ADAMTS3: variants seen among roughly 807,000 people sequenced by gnomAD.
ADAMTS3 encodes the protein A disintegrin and metalloproteinase with thrombospondin motifs 3.
Under a neutral mutation model 129.0 loss-of-function variants are expected in ADAMTS3, and 73 were observed. That is an observed-to-expected ratio of 0.57 (90% CI 0.47 to 0.69). The LOEUF (loss-of-function observed/expected upper bound fraction) is 0.69. ADAMTS3 is among the 30% of genes least tolerant of loss of function. ADAMTS3 has a pLI of 0.00. For synonymous variants in ADAMTS3, 477 were observed against 510.8 expected, an observed-to-expected ratio of 0.93 and a Z score of 0.89; for missense variants, 1,457 against 1,514.5, an observed-to-expected ratio of 0.96 and a Z score of 0.63.
At chr4:72,357,194 T>A (rs1257835927) in intron 4 of ADAMTS3, among the ~76,000 whole-genome samples, 5 of 151,922 alleles carry the variant, frequency 3.3e-5, no homozygotes, top group Non-Finnish European at 5.9e-5. Flanking sequence ...TGCTCCTTTT[T>A]AAAACCATTT....
At position 72,281,158 on chromosome 4, in the gene ADAMTS3, T is replaced by G. The variant is rs1718330295; in HGVS notation, c.*1978A>C. On this transcript the variant is annotated 3_prime_UTR_variant, in exon 22 of 22. Coordinates refer to ENST00000286657, the MANE Select transcript of ADAMTS3 (RefSeq NM_014243.3). ...TCTTTATCTTCCCCTGTGGATGAGA[T>G]GTATGCACACACAAGTAAACTAGAG... 6.6e-6 allele frequency: 1 copy of G among 152,542 alleles called. No individual in the cohort carries two copies. Among genetic ancestry groups the G allele is most frequent in the Non-Finnish European group, 1.5e-5 (1 of 68,016 alleles). 9.4% of individuals were successfully genotyped at this position (152,542 alleles called of 1,614,324 possible).
intron 10 of ADAMTS3, among the ~76,000 whole-genome samples, chr4:72,316,732 T>C (rs1371292798): frequency 6.6e-6 from 1 of 151,620 alleles, no homozygotes; most frequent in Non-Finnish European, 1.5e-5. Flanking sequence ...ATACTTATAA[T>C]TAATTGACTA....
At chr4:72,295,886 A>G in intron 18 of ADAMTS3, 100 bp from the exon 19 acceptor site, 1 of 1,426,272 alleles carries the variant, frequency 7.0e-7, no homozygotes. Flanking sequence ...CATCCATTCA[A>G]TAAATATGTA....
At chr4:72,506,193 G>A (rs901794574) in intron 3 of ADAMTS3, among the ~76,000 whole-genome samples, 6 of 152,124 alleles carry the variant, frequency 3.9e-5, no homozygotes, top group African/African-American at 1.4e-4. Flanking sequence ...GGAAAAGTGG[G>A]GTGGCTTAGG....
intron 4 of ADAMTS3, among the ~76,000 whole-genome samples, chr4:72,371,044 G>A (rs1720991885): frequency 6.6e-6 from 1 of 152,096 alleles, no homozygotes; most frequent in African/African-American, 2.4e-5. Context: ...GAGAGGCAGA[G>A]ACCAGAGTGA....
At chr4:72,320,669 A>T (rs1719528486) in intron 7 of ADAMTS3, 45 bp downstream of exon 7, 1 of 1,590,258 alleles carries the variant, frequency 6.3e-7, no homozygotes, top group African/African-American at 1.4e-5. Context: ...TTACTTTTTA[A>T]AAGTCATGCC....
chr4:72,310,958 T>C, intron 14 of ADAMTS3, 90 bp downstream of exon 14: 2 of 1,223,468 alleles, frequency 1.6e-6, no homozygotes, highest in Admixed American at 2.5e-5. Context: ...ATTTCAAAGA[T>C]AAAATAGTTT....
intron 3 of ADAMTS3, among the ~76,000 whole-genome samples, chr4:72,529,328 T>A (rs74811843): frequency 2.6e-5 from 4 of 152,010 alleles, no homozygotes; most frequent in Admixed American, 6.6e-5. Context: ...CTGTTAGAAA[T>A]GCAAACTTTC....
intron 3 of ADAMTS3, among the ~76,000 whole-genome samples, chr4:72,512,225 C>T (rs1226901278): frequency 1.3e-5 from 2 of 152,132 alleles, no homozygotes; most frequent in Non-Finnish European, 2.9e-5. Context: ...CTTGTAATCC[C>T]TGCACTTTGG....
chr4:72,461,279 G>T (rs1718763589), intron 3 of ADAMTS3, among the ~76,000 whole-genome samples: 1 of 151,746 alleles, frequency 6.6e-6, no homozygotes, highest in African/African-American at 2.4e-5. Context: ...AGTCAACATA[G>T]AGTAGAAAGA....
chr4:72,384,463 C>A (rs1382713249), intron 4 of ADAMTS3, among the ~76,000 whole-genome samples: 1 of 152,030 alleles, frequency 6.6e-6, no homozygotes, highest in African/African-American at 2.4e-5. Flanking sequence ...ACGAGTTATC[C>A]TTGACTTCTC....
intron 3 of ADAMTS3, among the ~76,000 whole-genome samples, chr4:72,441,211 A>T (rs989301039): frequency 6.6e-5 from 10 of 151,734 alleles, no homozygotes; most frequent in African/African-American, 2.2e-4. Flanking sequence ...AATGCTTTTG[A>T]GATTCACCCA....
At chr4:72,291,383 T>C (rs1222153872) in intron 19 of ADAMTS3, among the ~76,000 whole-genome samples, 2 of 150,672 alleles carry the variant, frequency 1.3e-5, no homozygotes, top group African/African-American at 4.9e-5. Flanking sequence ...GTATATCTTC[T>C]AATACTATCC....
At chr4:72,515,666 C>A (rs1034542649) in intron 3 of ADAMTS3, among the ~76,000 whole-genome samples, 4 of 151,914 alleles carry the variant, frequency 2.6e-5, no homozygotes, top group Admixed American at 2.6e-4. Flanking sequence ...GTCCTTCGCC[C>A]ACTTTTTGAT....
At chr4:72,463,470 T>C (rs1178343168) in intron 3 of ADAMTS3, among the ~76,000 whole-genome samples, 1 of 151,958 alleles carries the variant, frequency 6.6e-6, no homozygotes, top group African/African-American at 2.4e-5. Flanking sequence ...GAAAAGATTA[T>C]ATCTAGACCA....
At chr4:72,467,207 C>T (rs1392651945) in intron 3 of ADAMTS3, among the ~76,000 whole-genome samples, 1 of 151,960 alleles carries the variant, frequency 6.6e-6, no homozygotes, top group Non-Finnish European at 1.5e-5. Context: ...TTCTAACTGC[C>T]AAGTCTGCAG....
chr4:72,341,887 T>A (rs528213212), intron 4 of ADAMTS3, among the ~76,000 whole-genome samples: 1 of 152,316 alleles, frequency 6.6e-6, no homozygotes, highest in South Asian at 2.1e-4. Context: ...CTGGGCAGTG[T>A]TCTTTCCATG....
intron 3 of ADAMTS3, among the ~76,000 whole-genome samples, chr4:72,474,572 T>C (rs573269140): frequency 6.6e-6 from 1 of 151,912 alleles, no homozygotes. Flanking sequence ...AACAATATAC[T>C]TAAAAAAAAA....
intron 3 of ADAMTS3, among the ~76,000 whole-genome samples, chr4:72,434,870 A>G (rs1452626972): frequency 1.3e-5 from 2 of 151,820 alleles, no homozygotes; most frequent in Non-Finnish European, 2.9e-5. Flanking sequence ...GTCTATGCAG[A>G]TGATTACATG....
Sources: allele counts gnomAD v4.1 joint callset (sites outside exome capture counted in the v4.1 genomes callset), GRCh38; gene constraint gnomAD v4.1.1; transcripts MANE v1.5; gene names NCBI Gene and HGNC (gene_info 2026-07-23, HGNC 2026-07-21).